Variants in LRP5 observed in about 807,000 individuals in gnomAD.
LRP5 encodes low-density lipoprotein receptor-related protein 5.
Under a neutral mutation model 154.1 loss-of-function variants are expected in LRP5, and 62 were observed. The observed-to-expected ratio is 0.40, with a 90% CI of 0.33 to 0.50. The LOEUF is 0.50. Ranked by LOEUF, LRP5 falls within the 20% of genes least tolerant of loss-of-function variation. The pLI is 0.55. For missense variants in LRP5, 1,915 were observed against 2,336.7 expected (o/e 0.82, Z 3.72); for synonymous variants, 966 against 1,011.5 (o/e 0.96, Z 0.85).
intron 16 of LRP5, among the ~76,000 whole-genome samples, chr11:68,428,524 C>T (rs1329179502): frequency 3.3e-5 from 5 of 151,920 alleles, no homozygotes; most frequent in Admixed American, 3.3e-4. Flanking sequence ...CTTGTGGATG[C>T]GCCGCCTCAA....
In LRP5 at chr11:68,347,967, A is replaced by G. The variant is rs142607308; in HGVS notation, c.212A>G (p.Gln71Arg). 6 of 1,614,004 alleles carry G rather than the reference A, an allele frequency of 3.7e-6. No homozygotes were observed. The African/African-American group carries it at 8.0e-5, about 22-fold the overall frequency. ...GAGGATGCGGCCGCAGTGGACTTCC[A>G]GTTTTCCAAGGGAGCCGTGTACTGG... Reference protein sequence around the residue: ...GLEDAAAVDFQFSKGAVYWTD... With the variant: ...GLEDAAAVDFRFSKGAVYWTD... Residue 71 changes from glutamine to arginine, a missense_variant, in exon 2 of 23, where the codon CAG becomes CGG. Gln to Arg is a conservative substitution (Grantham distance 43, BLOSUM62 1). Around this residue, in one of 3 missense-constraint regions of LRP5, gnomAD observed 773 missense variants for 1,100.9 expected, o/e 0.70. Coordinates refer to ENST00000294304, the MANE Select transcript of LRP5 (RefSeq NM_002335.4).
At chr11:68,408,662 G>A (rs879306223) in intron 9 of LRP5, among the ~76,000 whole-genome samples, 1 of 152,072 alleles carries the variant, frequency 6.6e-6, no homozygotes, top group Non-Finnish European at 1.5e-5. Flanking sequence ...TGATGGCGCT[G>A]TGACAAACTC....
chr11:68,443,159 T>C (rs905811793), intron 21 of LRP5, among the ~76,000 whole-genome samples: 2 of 152,080 alleles, frequency 1.3e-5, no homozygotes, highest in Non-Finnish European at 2.9e-5. Flanking sequence ...GTTAAGATCT[T>C]CATTTATATT....
upstream of LRP5, among the ~76,000 whole-genome samples, chr11:68,309,634 AACTG>A (rs377142207): frequency 1.3e-3 from 203 of 150,788 alleles, no homozygotes; most frequent in South Asian, 0.017. Flanking sequence ...TCATTTCAAT[AACTG>A]ACTGTCCAGT....
At chr11:68,406,872 C>G in intron 9 of LRP5, 59 bp downstream of exon 9, 3 of 1,559,980 alleles carry the variant, frequency 1.9e-6, no homozygotes, top group Non-Finnish European at 2.6e-6. Flanking sequence ...TGCCTCTGTT[C>G]CTGCCTCAAA....
chr11:68,364,557 C>G (rs1030870586), intron 4 of LRP5, among the ~76,000 whole-genome samples: 1 of 152,012 alleles, frequency 6.6e-6, no homozygotes, highest in African/African-American at 2.4e-5. Context: ...ATAATCTGCC[C>G]AGAATCAGCA....
At chr11:68,384,723 G>A (rs2098642053) in intron 5 of LRP5, among the ~76,000 whole-genome samples, 2 of 152,154 alleles carry the variant, frequency 1.3e-5, no homozygotes, top group Admixed American at 1.3e-4. Flanking sequence ...CGGGCCCTGG[G>A]GGTCAGGAGC....
chr11:68,445,655 G>T (rs918135335), intron 21 of LRP5: 17 of 1,319,052 alleles, frequency 1.3e-5, no homozygotes, highest in Admixed American at 1.1e-4. Flanking sequence ...CTGCATGTTG[G>T]GTTGGGGTGC....
chr11:68,301,430 G>T, the LRP5 span, among the ~76,000 whole-genome samples: 4 of 148,018 alleles, frequency 2.7e-5, no homozygotes, highest in African/African-American at 9.7e-5. Context: ...AGCTGTGATT[G>T]TGCCACTGCA....
At position 68,446,549 on chromosome 11, in the gene LRP5, C is replaced by A; in HGVS notation, c.4586+16C>A. ...GACCGTACAGGTAGGACATCCCCTG[C>A]AGCCCTCCATGGCCATTGGGTTCCC... On this transcript the variant is annotated intron_variant, in intron 22 of 22. Transcript: ENST00000294304. 6.2e-7 allele frequency: 1 copy of A among 1,602,530 alleles called. No homozygotes were observed. The highest frequency in any genetic ancestry group is 8.5e-7 in the Non-Finnish European group (1 of 1,169,656).
intron 2 of LRP5, among the ~76,000 whole-genome samples, chr11:68,349,601 TGGCTGAGTTCACCTGGGCCCTTGAA>T (rs2098616586): frequency 6.6e-6 from 1 of 152,160 alleles, no homozygotes; most frequent in African/African-American, 2.4e-5. Flanking sequence ...GCTCCTAGTC[TGGCTGAGTTCACCTGGGCCCTTGAA>T]GGCTCAGGGC....
intron 7 of LRP5, among the ~76,000 whole-genome samples, chr11:68,393,839 C>T (rs912728914): frequency 6.6e-6 from 1 of 152,150 alleles, no homozygotes; most frequent in Non-Finnish European, 1.5e-5. Context: ...CACAGCCAGC[C>T]TAGTGGGTGT....
chr11:68,416,980 GC>G (rs2098662917), intron 13 of LRP5, among the ~76,000 whole-genome samples: 1 of 152,234 alleles, frequency 6.6e-6, no homozygotes, highest in South Asian at 2.1e-4. Flanking sequence ...CCAGGGCACA[GC>G]CCTCAAAATC....
intron 8 of LRP5, among the ~76,000 whole-genome samples, chr11:68,406,157 A>G (rs1191047490): frequency 2.6e-5 from 4 of 152,240 alleles, no homozygotes; most frequent in Non-Finnish European, 5.9e-5. Context: ...GGCGCCTGAC[A>G]AGGTCCAGTC....
At chr11:68,350,960 G>A (rs2098617941) in intron 2 of LRP5, among the ~76,000 whole-genome samples, 1 of 152,200 alleles carries the variant, frequency 6.6e-6, no homozygotes, top group Non-Finnish European at 1.5e-5. Context: ...GTCCGTGTGT[G>A]TGCATGCATG....
At chr11:68,438,951 G>A (rs2098676591) in intron 20 of LRP5, among the ~76,000 whole-genome samples, 2 of 152,312 alleles carry the variant, frequency 1.3e-5, no homozygotes, top group African/African-American at 4.8e-5. Context: ...ATTCTAGTAG[G>A]ACATGTGCTG....
Position 68,449,013 on chromosome 11 carries a change from G to T in LRP5, c.4791G>T (p.Glu1597Asp). 6.3e-7 allele frequency: 1 copy of T among 1,598,680 alleles called. No homozygotes were observed. The change falls in exon 23 of 23, where the codon GAG (glutamate) becomes GAT (aspartate). Residue 1597 changes from glutamate to aspartate, a missense_variant. Around this residue, in one of 3 missense-constraint regions of LRP5, gnomAD observed 1,094 missense variants for 1,210.1 expected, o/e 0.90. Coordinates refer to ENST00000294304, the MANE Select transcript of LRP5 (RefSeq NM_002335.4). ...EDSCPPSPAT[E>D]RSYFHLFPPP... Reference sequence around the variant, plus strand: ...GCTGCCCGCCCTCGCCCGCCACCGAGAGGAGCTACTTCCATCTCTTCCCGC... The same window carrying T: ...GCTGCCCGCCCTCGCCCGCCACCGATAGGAGCTACTTCCATCTCTTCCCGC...
intron 11 of LRP5, among the ~76,000 whole-genome samples, chr11:68,412,660 G>A (rs1009451967): frequency 1.3e-5 from 2 of 151,198 alleles, no homozygotes; most frequent in Non-Finnish European, 3.0e-5. Flanking sequence ...AAAAAAAGAA[G>A]AAGAAAAAGA....
upstream of LRP5, among the ~76,000 whole-genome samples, chr11:68,311,829 CCAA>C (rs2098588082): frequency 6.6e-6 from 1 of 152,254 alleles, no homozygotes. Flanking sequence ...ACTGGGAGTT[CCAA>C]CTTGGGCTTG....
Sources: allele counts gnomAD v4.1 joint callset (sites outside exome capture counted in the v4.1 genomes callset), GRCh38; gene constraint gnomAD v4.1.1; regional missense constraint gnomAD v4.1.1; transcripts MANE v1.5; gene names NCBI Gene and HGNC (gene_info 2026-07-23, HGNC 2026-07-21).